CSMD1: variants seen among roughly 807,000 people sequenced by gnomAD.
CSMD1 encodes CUB and sushi domain-containing protein 1.
CSMD1 carries 213 observed loss-of-function variants against 417.5 expected under a neutral mutation model. That is an observed-to-expected ratio of 0.51 (90% CI 0.46 to 0.57). CSMD1 has a LOEUF of 0.57. CSMD1 is among the 20% of genes least tolerant of loss of function. CSMD1 has a pLI of 0.00. For synonymous variants in CSMD1, 2,862 were observed against 1,736.8 expected (o/e 1.65, Z -16.11); for missense variants, 6,923 against 4,529.7 (o/e 1.53, Z -15.17).
At chr8:4,661,346 T>C (rs1301123344) in intron 1 of CSMD1, among the ~76,000 whole-genome samples, 1 of 152,202 alleles carries the variant, frequency 6.6e-6, no homozygotes, top group African/African-American at 2.4e-5. Flanking sequence ...ATATACTGGA[T>C]ACATCTTTAG....
chr8:3,593,191 C>G (rs1363007072), intron 8 of CSMD1, among the ~76,000 whole-genome samples: 13 of 152,162 alleles, frequency 8.5e-5, no homozygotes, highest in Admixed American at 2.0e-4. Flanking sequence ...TCATGTTTCC[C>G]CACCATACTT....
intron 8 of CSMD1, among the ~76,000 whole-genome samples, chr8:3,615,413 A>C (rs920639980): frequency 6.6e-6 from 1 of 152,114 alleles, no homozygotes; most frequent in East Asian, 1.9e-4. Flanking sequence ...TTTTCCAATA[A>C]ATCACTTCAA....
intron 3 of CSMD1, among the ~76,000 whole-genome samples, chr8:4,198,830 A>G (rs959182420): frequency 2.0e-5 from 3 of 152,160 alleles, no homozygotes; most frequent in African/African-American, 4.8e-5. Flanking sequence ...AAGTTAAAGT[A>G]CCATCTCAGG....
chr8:3,524,831 C>A (rs1307058669), intron 10 of CSMD1, among the ~76,000 whole-genome samples: 3 of 151,316 alleles, frequency 2.0e-5, no homozygotes, highest in Non-Finnish European at 4.4e-5. Flanking sequence ...CATGCACACA[C>A]AGAGCCTTTA....
intron 36 of CSMD1, chr8:3,182,841 G>GGGGGGTGTGT (rs768081848): frequency 2.6e-4 from 3 of 11,470 alleles, no homozygotes; most frequent in Non-Finnish European, 3.4e-4. Context: ...TTTATAAGAA[G>GGGGGGTGTGT]GTGTGTGTGT....
rs1797457961 is a variant in CSMD1, at chr8:3,644,169, G to C, written c.1010-27372C>G. Among the ~76,000 whole-genome samples, 3 of 152,170 alleles carry C rather than the reference G, an allele frequency of 2.0e-5. 1 individual carries two copies. The highest frequency in any genetic ancestry group is 4.1e-4 in the South Asian group (2 of 4,834). On this transcript the variant is annotated intron_variant, in intron 7 of 69. Coordinates refer to ENST00000635120, the MANE Select transcript of CSMD1 (RefSeq NM_033225.6). The stretch of plus-strand genomic sequence containing the variant: ...TTCAAAATGTTAGGCCCCCAATGTA[G>C]ACTTACTGAATCAGAAACTCTAGGG...
chr8:4,093,281 T>A (rs1293427462), intron 3 of CSMD1, among the ~76,000 whole-genome samples: 1 of 152,222 alleles, frequency 6.6e-6, no homozygotes, highest in Non-Finnish European at 1.5e-5. Flanking sequence ...ACATAAAAAA[T>A]AATTTATCCT....
intron 5 of CSMD1, among the ~76,000 whole-genome samples, chr8:3,929,581 G>C (rs766992041): frequency 1.3e-5 from 2 of 150,490 alleles, no homozygotes; most frequent in African/African-American, 2.4e-5. Context: ...CATGTTATAA[G>C]ATAAAAAATA....
intron 5 of CSMD1, among the ~76,000 whole-genome samples, chr8:3,787,904 A>G (rs1799536079): frequency 6.6e-6 from 1 of 152,200 alleles, no homozygotes; most frequent in Admixed American, 6.5e-5. Flanking sequence ...ATTTTGCCAG[A>G]TTAAATCTCT....
chr8:3,248,255 C>T (rs145912420), intron 26 of CSMD1, among the ~76,000 whole-genome samples: 66 of 152,280 alleles, frequency 4.3e-4, no homozygotes, highest in Middle Eastern at 3.4e-3. Context: ...TTTTAACTTG[C>T]AATTAGGGTG....
chr8:3,709,704 T>G lies in CSMD1; in HGVS notation c.932-1213A>C, dbSNP rs1324937761. On this transcript the variant is annotated intron_variant, in intron 6 of 69. Transcript: ENST00000635120. Reference sequence around the variant, plus strand: ...TGTTTTTTTTTTTTTTTTTTTTTTTTTTTTTCCCTGCTTTCTGCTTTCTGA... The same window carrying G: ...TGTTTTTTTTTTTTTTTTTTTTTTTGTTTTTCCCTGCTTTCTGCTTTCTGA... Among the ~76,000 whole-genome samples the G allele has an allele frequency of 1.1e-3, 148 of 138,268 alleles. 8 individuals carry two copies. The highest frequency in any genetic ancestry group is 3.9e-3 in the African/African-American group (144 of 37,234). The allele number at this position is 138,268 out of a possible 152,430, so 90.7% of individuals were successfully genotyped here. A position where few individuals can be genotyped will look rare whatever the true frequency, so the allele number is the denominator to read the frequency against.
intron 15 of CSMD1, among the ~76,000 whole-genome samples, chr8:3,404,572 A>T (rs1482947052): frequency 6.6e-6 from 1 of 152,192 alleles, no homozygotes; most frequent in Admixed American, 6.5e-5. Context: ...GAAATTCTCA[A>T]CTGTTTATGA....
chr8:4,888,152 T>G (rs35203154), intron 1 of CSMD1, among the ~76,000 whole-genome samples: 61,104 of 151,680 alleles, frequency 0.4, 12,570 homozygotes, highest in East Asian at 0.57. Flanking sequence ...TAAAAGAGTA[T>G]ATGAATAAAT....
At chr8:3,787,712 A>G (rs1799523561) in intron 5 of CSMD1, among the ~76,000 whole-genome samples, 1 of 152,222 alleles carries the variant, frequency 6.6e-6, no homozygotes, top group Non-Finnish European at 1.5e-5. Flanking sequence ...CTAGAAATTT[A>G]CATTACATTT....
At chr8:3,873,648 C>T (rs1420019259) in intron 5 of CSMD1, among the ~76,000 whole-genome samples, 1 of 152,052 alleles carries the variant, frequency 6.6e-6, no homozygotes, top group South Asian at 2.1e-4. Flanking sequence ...ATATCAAACC[C>T]CCATGACACT....
chr8:3,917,074 A>C (rs1808880465), intron 5 of CSMD1, among the ~76,000 whole-genome samples: 1 of 152,168 alleles, frequency 6.6e-6, no homozygotes, highest in African/African-American at 2.4e-5. Flanking sequence ...TATGTTTCTT[A>C]AGACACCAGG....
At chr8:4,283,436 T>C (rs751721600) in intron 3 of CSMD1, among the ~76,000 whole-genome samples, 2 of 152,312 alleles carry the variant, frequency 1.3e-5, no homozygotes, top group Non-Finnish European at 2.9e-5. Flanking sequence ...GGGTACAGGA[T>C]TTCCAAATGC....
chr8:4,187,190 G>A (rs1305601792), intron 3 of CSMD1, among the ~76,000 whole-genome samples: 5 of 152,174 alleles, frequency 3.3e-5, no homozygotes, highest in Non-Finnish European at 4.4e-5. Flanking sequence ...AAAACAATCT[G>A]GGACATTGTT....
At chr8:3,837,766 C>G (rs1041279107) in intron 5 of CSMD1, among the ~76,000 whole-genome samples, 1 of 151,570 alleles carries the variant, frequency 6.6e-6, no homozygotes, top group African/African-American at 2.4e-5. Context: ...TTTATCAGTT[C>G]CATCTTTGTT....
Sources: gnomAD v4.1 joint callset for allele counts (sites outside exome capture counted in the v4.1 genomes callset) on GRCh38, gnomAD v4.1.1 for gene constraint, MANE v1.5 for transcripts, NCBI Gene and HGNC (gene_info 2026-07-23, HGNC 2026-07-21) for gene names.